The following MCTP1 variants were observed in gnomAD, a reference collection of about 807,000 sequenced individuals.
The protein encoded by MCTP1 is multiple C2 and transmembrane domain-containing protein 1.
In MCTP1, 69 loss-of-function variants were observed where a neutral mutation model predicts 120.6. The ratio of observed to expected loss-of-function variants is 0.57; its 90% CI spans 0.47 to 0.70. The LOEUF (loss-of-function observed/expected upper bound fraction) is 0.70. Ranked by LOEUF, MCTP1 falls within the 30% of genes least tolerant of loss-of-function variation. The pLI is 0.00. For missense variants in MCTP1, 1,203 were observed against 1,248.8 expected (o/e 0.96, Z 0.55); for synonymous variants, 529 against 493.1 (o/e 1.07, Z -0.96).
intron 1 of MCTP1, among the ~76,000 whole-genome samples, chr5:95,280,187 T>A (rs553858869): frequency 1.1e-3 from 160 of 152,300 alleles, no homozygotes; most frequent in South Asian, 4.6e-3. Flanking sequence ...TGTAGAAAAT[T>A]TTTTTTCCAC....
intron 21 of MCTP1, chr5:94,709,960 CA>C (rs1756228216): frequency 6.6e-6 from 1 of 152,122 alleles, no homozygotes; most frequent in African/African-American, 2.4e-5. Flanking sequence ...ATTTTGCTTT[CA>C]GTGTAAGCAC....
chr5:95,241,393 A>G (rs748086391), intron 1 of MCTP1, among the ~76,000 whole-genome samples: 4 of 152,166 alleles, frequency 2.6e-5, no homozygotes, highest in Non-Finnish European at 5.9e-5. Flanking sequence ...GAACATTAAG[A>G]AGTCTGCATA....
At chr5:95,006,128 C>G (rs1047620248) in intron 2 of MCTP1, among the ~76,000 whole-genome samples, 3 of 152,074 alleles carry the variant, frequency 2.0e-5, no homozygotes, top group African/African-American at 7.2e-5. Context: ...AGTGGCCTGG[C>G]TGGGAATAGA....
At chr5:95,208,466 G>GTTT (rs1204589447) in intron 1 of MCTP1, among the ~76,000 whole-genome samples, 46 of 152,292 alleles carry the variant, frequency 3.0e-4, no homozygotes, top group African/African-American at 1.1e-3. Flanking sequence ...ACACTGTACA[G>GTTT]AAGTATTTTA....
At chr5:95,275,480 G>A (rs1759755530) in intron 1 of MCTP1, among the ~76,000 whole-genome samples, 2 of 152,106 alleles carry the variant, frequency 1.3e-5, no homozygotes, top group African/African-American at 2.4e-5. Flanking sequence ...TGTGGGCATT[G>A]GAGTTTGGAG....
chr5:94,851,653 A>G (rs1355042994), intron 17 of MCTP1, among the ~76,000 whole-genome samples: 1 of 151,966 alleles, frequency 6.6e-6, no homozygotes, highest in East Asian at 1.9e-4. Context: ...TATATTTTTG[A>G]TATATTTAGA....
intron 1 of MCTP1, among the ~76,000 whole-genome samples, chr5:95,076,454 A>ATT (rs1753597853): frequency 2.3e-4 from 2 of 8,776 alleles, no homozygotes; most frequent in South Asian, 7.2e-3. Context: ...TGAAAAAGGA[A>ATT]AAAAAAAAAA....
intron 2 of MCTP1, among the ~76,000 whole-genome samples, chr5:95,016,114 C>T (rs1395988467): frequency 6.6e-6 from 1 of 152,014 alleles, no homozygotes; most frequent in Non-Finnish European, 1.5e-5. Flanking sequence ...ATTTTGAAAA[C>T]GTCTCCTATC....
intron 17 of MCTP1, among the ~76,000 whole-genome samples, chr5:94,804,515 T>A (rs1781880856): frequency 1.3e-5 from 2 of 152,282 alleles, no homozygotes; most frequent in South Asian, 4.1e-4. Flanking sequence ...GTCGGCTCAC[T>A]GCAAGCTCTG....
At chr5:95,023,843 T>C (rs1838679653) in intron 1 of MCTP1, among the ~76,000 whole-genome samples, 1 of 152,242 alleles carries the variant, frequency 6.6e-6, no homozygotes, top group African/African-American at 2.4e-5. Context: ...GGTTCACCTC[T>C]GAAATTTTAA....
At chr5:94,753,033 AG>A (rs1330808392) in intron 19 of MCTP1, among the ~76,000 whole-genome samples, 6 of 152,226 alleles carry the variant, frequency 3.9e-5, no homozygotes, top group Non-Finnish European at 5.9e-5. Context: ...ATAAACCCAG[AG>A]GATCTTGTTC....
intron 1 of MCTP1, among the ~76,000 whole-genome samples, chr5:95,069,739 C>A (rs1003699989): frequency 2.7e-5 from 4 of 149,860 alleles, no homozygotes; most frequent in African/African-American, 9.8e-5. Flanking sequence ...TGCTTTGTCG[C>A]CCAGGCTGGA....
chr5:94,752,182 C>T (rs569948793), intron 19 of MCTP1, among the ~76,000 whole-genome samples: 1 of 138,878 alleles, frequency 7.2e-6, no homozygotes, highest in Non-Finnish European at 1.6e-5. Flanking sequence ...AATTATCTCA[C>T]CCGGCTGAAA....
In MCTP1 at chr5:94,983,668, A is replaced by AATCT. The variant is rs57481277; in HGVS notation, c.839-30311_839-30308dup. On this transcript the variant is annotated intron_variant, in intron 2 of 22. Transcript: ENST00000515393. ...CTGTCTGTCTGTCTGTCTGTCTGTC[A>AATCT]ATCTATCTATCTATCTATCTATCTA... Among the ~76,000 whole-genome samples the AATCT allele has an allele frequency of 8.2e-3, 1,234 of 150,774 alleles. 11 individuals are homozygous for AATCT. The highest frequency in any genetic ancestry group is 0.037 in the South Asian group (174 of 4,762).
At chr5:95,123,203 T>C (rs959205000) in intron 1 of MCTP1, among the ~76,000 whole-genome samples, 9 of 152,222 alleles carry the variant, frequency 5.9e-5, no homozygotes, top group African/African-American at 2.2e-4. Flanking sequence ...ACACATTACA[T>C]GCCTGTATCA....
chr5:95,159,870 A>T (rs984769455), intron 1 of MCTP1, among the ~76,000 whole-genome samples: 1 of 152,146 alleles, frequency 6.6e-6, no homozygotes, highest in Non-Finnish European at 1.5e-5. Flanking sequence ...CTTGAAGCTG[A>T]GTTTTAGCAG....
At chr5:94,812,184 C>T (rs1014529058) in intron 17 of MCTP1, among the ~76,000 whole-genome samples, 2 of 152,102 alleles carry the variant, frequency 1.3e-5, no homozygotes, top group South Asian at 2.1e-4. Flanking sequence ...AGGCATTAAT[C>T]GTAGGTTCAG....
At chr5:94,857,668 A>C (rs1794959214) in intron 17 of MCTP1, among the ~76,000 whole-genome samples, 1 of 151,712 alleles carries the variant, frequency 6.6e-6, no homozygotes, top group South Asian at 2.1e-4. Context: ...TTCAAGTCTA[A>C]ATTATCCACA....
At chr5:94,736,415 C>T (rs142584472) in intron 19 of MCTP1, among the ~76,000 whole-genome samples, 5 of 152,078 alleles carry the variant, frequency 3.3e-5, no homozygotes, top group East Asian at 1.9e-4. Flanking sequence ...CCTGGGAGGT[C>T]GAGGCTGCAG....
Sources: allele counts gnomAD v4.1 joint callset (sites outside exome capture counted in the v4.1 genomes callset), GRCh38; gene constraint gnomAD v4.1.1; transcripts MANE v1.5; gene names NCBI Gene and HGNC (gene_info 2026-07-23, HGNC 2026-07-21).